The following TNIP1 variants were observed in gnomAD, a reference collection of about 807,000 sequenced individuals.
TNIP1 encodes the protein TNFAIP3 interacting protein 1.
A neutral mutation model predicts 86.6 loss-of-function variants in TNIP1; 22 were observed. The ratio of observed to expected loss-of-function variants is 0.25; its 90% CI spans 0.18 to 0.36. TNIP1 has a LOEUF of 0.36. Ranked by LOEUF, TNIP1 falls within the 10% of genes least tolerant of loss-of-function variation. The pLI, the probability that TNIP1 is intolerant of heterozygous loss-of-function variation, is 1.00. For synonymous variants in TNIP1, 294 were observed against 313.0 expected, an observed-to-expected ratio of 0.94 and a Z score of 0.64; for missense variants, 709 against 820.6, an observed-to-expected ratio of 0.86 and a Z score of 1.66.
chr5:151,063,599 G>A lies in TNIP1; in HGVS notation c.271+14C>T. On this transcript the variant is annotated intron_variant, in intron 3 of 17. Transcript: ENST00000521591. ...GTACAGGGAGAGTCAGAGGTACCCA[G>A]ACTCCTCTTATACCTGTGAGCTCAG... 1 of 1,613,212 alleles carries A rather than the reference G, an allele frequency of 6.2e-7. No individual in the cohort carries two copies. The highest frequency in any genetic ancestry group is 1.7e-5 in the Admixed American group (1 of 59,976).
chr5:151,051,394 C>T (rs7713567), intron 7 of TNIP1, among the ~76,000 whole-genome samples: 38,215 of 152,080 alleles, frequency 0.25, 5,764 homozygotes, highest in Non-Finnish European at 0.34. Flanking sequence ...GACTCATCAC[C>T]CAAACTGTCC....
chr5:151,052,118 C>A, intron 7 of TNIP1, 47 bp downstream of exon 7: 1 of 1,563,242 alleles, frequency 6.4e-7, no homozygotes, highest in Non-Finnish European at 8.8e-7. Flanking sequence ...AGCCCCTCCT[C>A]CTGCAGCCCC....
At chr5:151,087,570 C>T (rs1489754885), upstream of TNIP1, 2 of 152,288 alleles carry the variant, frequency 1.3e-5, no homozygotes, top group Non-Finnish European at 2.9e-5. Flanking sequence ...CCCACATCCT[C>T]CCACCCCGTT....
At chr5:151,046,507 G>A (rs1406397639) in intron 8 of TNIP1, 1 of 152,572 alleles carries the variant, frequency 6.6e-6, no homozygotes, top group Non-Finnish European at 1.5e-5. Context: ...CTAAAGCAGA[G>A]ACATCCAGCA....
intron 1 of TNIP1, among the ~76,000 whole-genome samples, chr5:151,078,604 A>G (rs1561546379): frequency 6.6e-6 from 1 of 152,238 alleles, no homozygotes; most frequent in Non-Finnish European, 1.5e-5. Context: ...AAGTGAAAAA[A>G]GGGGCTGCTT....
chr5:151,067,465 G>C (rs1332967504), intron 1 of TNIP1, among the ~76,000 whole-genome samples: 4 of 152,188 alleles, frequency 2.6e-5, no homozygotes. Context: ...CTTGAGAGCT[G>C]CTTGGAGTTC....
In TNIP1 at chr5:151,080,989, G is replaced by A. The variant is rs1763969646; in HGVS notation, c.-146C>T. The stretch of plus-strand genomic sequence containing the variant: ...GCTCCGGCCCCCCGTAGCACTCCTA[G>A]GGCTCCTGGACGGGGGCAGGGCACC... On this transcript the variant is annotated 5_prime_UTR_variant, in exon 1 of 18. Transcript: ENST00000521591. 6.6e-6 allele frequency: 1 copy of A among 152,110 alleles called. No individual in the cohort carries two copies. The highest frequency in any genetic ancestry group is 1.5e-5 in the Non-Finnish European group (1 of 67,994). The allele number at this position is 152,110 out of a possible 1,614,324, so 9.4% of individuals were successfully genotyped here.
At position 151,039,168 on chromosome 5, in the gene TNIP1, G is replaced by C; in HGVS notation, c.1192C>G (p.Leu398Val). The C allele has an allele frequency of 6.2e-7, 1 of 1,614,034 alleles. No individual in the cohort carries two copies. Among genetic ancestry groups the C allele is most frequent in the Non-Finnish European group, 8.5e-7 (1 of 1,179,998 alleles). The change falls in exon 12 of 18, where the codon CTG becomes GTG. Residue 398 changes from leucine (L) to valine (V), a missense_variant. By Grantham distance (32) the Leu-to-Val change is conservative (BLOSUM62 1). Transcript: ENST00000521591. ...AKELRQKVKY[L>V]QDQLSPLTRQ... ...GTGAGTGGGCTCAGCTGATCCTGCA[G>C]GTACTTGACCTTTTGGCGCAGCTCC... is the stretch of plus-strand genomic sequence containing the variant.
At position 151,064,951 on chromosome 5, in the gene TNIP1, C is replaced by A; in HGVS notation, c.136+9G>T. ...GGCGCTCGCAGGGAGGGGACAGGGT[C>A]TGCTTTACCTAACATCTTTATCCCT... is the stretch of plus-strand genomic sequence containing the variant. On this transcript the variant is annotated intron_variant, in intron 2 of 17. Coordinates refer to ENST00000521591, the MANE Select transcript of TNIP1 (RefSeq NM_006058.5). 6.2e-7 allele frequency: 1 copy of A among 1,614,102 alleles called. No individual in the cohort carries two copies. Among genetic ancestry groups the A allele is most frequent in the South Asian group, 1.1e-5 (1 of 91,068 alleles).
chr5:151,049,586 C>T (rs1042712631), intron 8 of TNIP1, among the ~76,000 whole-genome samples: 2 of 152,174 alleles, frequency 1.3e-5, no homozygotes, highest in African/African-American at 4.8e-5. Context: ...GCTGAAGGAA[C>T]TGGAGCTATT....
At chr5:151,079,455 C>T (rs1161034449) in intron 1 of TNIP1, among the ~76,000 whole-genome samples, 3 of 152,102 alleles carry the variant, frequency 2.0e-5, no homozygotes, top group Non-Finnish European at 4.4e-5. Context: ...GAAACTGTCT[C>T]TACTCAAAAT....
At position 151,030,105 on chromosome 5, in the gene TNIP1, C is replaced by T. The variant is rs746179211; in HGVS notation, c.*608G>A. 7 of 456,758 alleles carry T rather than the reference C, an allele frequency of 1.5e-5. No individual in the cohort carries two copies. Among genetic ancestry groups the T allele is most frequent in the East Asian group, 6.9e-5 (1 of 14,528 alleles). 28.3% of individuals were successfully genotyped at this position (456,758 alleles called of 1,614,324 possible). A position where few individuals can be genotyped will look rare whatever the true frequency, so the allele number is the denominator to read the frequency against. On this transcript the variant is annotated 3_prime_UTR_variant, in exon 18 of 18. Transcript: ENST00000521591. ...GCAGCTTCAGGCTGGCGCCCCTCGG[C>T]GGACGTGGCTGGCATGGCCTTCTCC... is the stretch of plus-strand genomic sequence containing the variant.
chr5:151,087,401 C>CTGAT (rs1368698513), upstream of TNIP1, among the ~76,000 whole-genome samples: 1 of 152,138 alleles, frequency 6.6e-6, no homozygotes, highest in Admixed American at 6.5e-5. Flanking sequence ...AGTTGGAAGC[C>CTGAT]TGATGCTTCC....
chr5:151,067,364 G>A (rs1276552033), intron 1 of TNIP1, among the ~76,000 whole-genome samples: 2 of 152,238 alleles, frequency 1.3e-5, no homozygotes, highest in Non-Finnish European at 2.9e-5. Context: ...ACTGGTGCGG[G>A]CATTGCCCAT....
chr5:151,074,478 G>A (rs558419368), intron 1 of TNIP1, among the ~76,000 whole-genome samples: 41 of 152,266 alleles, frequency 2.7e-4, no homozygotes, highest in Admixed American at 7.2e-4. Context: ...AATGACCCTG[G>A]GTAGGCCTCA....
intron 16 of TNIP1, chr5:151,032,676 A>G (rs1757056768): frequency 2.6e-6 from 1 of 389,214 alleles, no homozygotes; most frequent in East Asian, 6.3e-5. Flanking sequence ...AAAGATGTGT[A>G]CCAAGAAGGG....
intron 4 of TNIP1, among the ~76,000 whole-genome samples, chr5:151,060,764 T>G (rs559059107): frequency 2.0e-5 from 3 of 152,336 alleles, no homozygotes; most frequent in South Asian, 4.1e-4. Flanking sequence ...GAAGGTTATA[T>G]CCTCTTTGGA....
chr5:151,036,241 GGA>G (rs1378424327), intron 13 of TNIP1, among the ~76,000 whole-genome samples: 7 of 152,138 alleles, frequency 4.6e-5, no homozygotes, highest in African/African-American at 1.7e-4. Context: ...AGAGACAATG[GGA>G]GAGCCACAAC....
At chr5:151,031,488 A>G (rs1488309230) in intron 17 of TNIP1, among the ~76,000 whole-genome samples, 2 of 152,236 alleles carry the variant, frequency 1.3e-5, no homozygotes, top group African/African-American at 4.8e-5. Context: ...TCACGAGTGG[A>G]CACAGCTCCA....
Sources: allele counts gnomAD v4.1 joint callset (sites outside exome capture counted in the v4.1 genomes callset), GRCh38; gene constraint gnomAD v4.1.1; transcripts MANE v1.5; gene names NCBI Gene and HGNC (gene_info 2026-07-23, HGNC 2026-07-21).